Variants in ULK4 observed in about 807,000 individuals in gnomAD.
ULK4 encodes the protein inactive serine/threonine-protein kinase ULK4.
In ULK4, 133 loss-of-function variants were observed where a neutral mutation model predicts 160.6. That is an observed-to-expected ratio of 0.83 (90% CI 0.72 to 0.96). The LOEUF (loss-of-function observed/expected upper bound fraction) is 0.96, where lower values mean the gene tolerates loss of function less well. Ranked by LOEUF, ULK4 falls within the 40% of genes least tolerant of loss-of-function variation. The pLI is 0.00. For synonymous variants in ULK4, 534 were observed against 539.8 expected, an observed-to-expected ratio of 0.99 and a Z score of 0.15; for missense variants, 1,580 against 1,499.5, an observed-to-expected ratio of 1.05 and a Z score of -0.89.
intron 34 of ULK4, among the ~76,000 whole-genome samples, chr3:41,442,833 C>A (rs939385929): frequency 6.6e-6 from 1 of 152,134 alleles, no homozygotes; most frequent in African/African-American, 2.4e-5. Context: ...ATTTAGTACT[C>A]TGTAACGTGA....
chr3:41,479,700 T>G (rs187758648), intron 32 of ULK4, among the ~76,000 whole-genome samples: 2 of 152,016 alleles, frequency 1.3e-5, no homozygotes, highest in South Asian at 4.2e-4. Context: ...GGCAGAAGAG[T>G]AGAGAGACGT....
chr3:41,771,335 G>A (rs1048920225), intron 21 of ULK4, among the ~76,000 whole-genome samples: 7 of 152,092 alleles, frequency 4.6e-5, no homozygotes, highest in African/African-American at 1.7e-4. Context: ...ACTTTCAGAA[G>A]AAATAGGATG....
intron 35 of ULK4, among the ~76,000 whole-genome samples, chr3:41,276,030 C>T (rs1028782619): frequency 3.9e-5 from 6 of 152,198 alleles, no homozygotes; most frequent in African/African-American, 7.2e-5. Flanking sequence ...GAATAGGTAA[C>T]AAACAGGACT....
intron 27 of ULK4, among the ~76,000 whole-genome samples, chr3:41,695,332 G>A (rs532142228): frequency 1.1e-4 from 17 of 152,292 alleles, no homozygotes; most frequent in East Asian, 5.8e-4. Context: ...AGAAGCTAAG[G>A]TGTCCCAGAA....
At chr3:41,776,174 T>C (rs1401493699) in intron 21 of ULK4, among the ~76,000 whole-genome samples, 1 of 151,090 alleles carries the variant, frequency 6.6e-6, no homozygotes, top group Non-Finnish European at 1.5e-5. Context: ...TTAACTTTCA[T>C]TTTATCCATC....
chr3:41,259,246 T>C (rs1413851669), intron 35 of ULK4, among the ~76,000 whole-genome samples: 1 of 152,116 alleles, frequency 6.6e-6, no homozygotes, highest in East Asian at 1.9e-4. Context: ...AAGGAGATGG[T>C]AGTGTCCTAC....
intron 30 of ULK4, among the ~76,000 whole-genome samples, chr3:41,645,306 T>A (rs575545726): frequency 1.3e-5 from 2 of 152,042 alleles, no homozygotes; most frequent in Non-Finnish European, 2.9e-5. Context: ...ATTGGATCTT[T>A]CCTGCTTTCT....
chr3:41,361,627 T>C (rs1267512378), intron 35 of ULK4, among the ~76,000 whole-genome samples: 3 of 152,240 alleles, frequency 2.0e-5, no homozygotes, highest in African/African-American at 4.8e-5. Context: ...CATATCCCGA[T>C]GTGACTGACT....
intron 12 of ULK4, among the ~76,000 whole-genome samples, chr3:41,901,478 C>CTTTTTTTTTTTTTT (rs1305478036): frequency 4.4e-5 from 1 of 22,946 alleles, no homozygotes; most frequent in Non-Finnish European, 3.1e-4. Context: ...CCACGCCCAG[C>CTTTTTTTTTTTTTT]CTTTTTTTTT....
chr3:41,827,773 G>C (rs1043601778), intron 18 of ULK4, among the ~76,000 whole-genome samples: 5 of 152,184 alleles, frequency 3.3e-5, no homozygotes, highest in African/African-American at 1.2e-4. Context: ...AATAGAAAAA[G>C]AGGGAATCCT....
At chr3:41,953,275 C>CAT (rs1449535104) in intron 2 of ULK4, among the ~76,000 whole-genome samples, 2 of 36,714 alleles carry the variant, frequency 5.4e-5, no homozygotes, top group Non-Finnish European at 1.7e-4. Context: ...CACATATATA[C>CAT]ATATATACAC....
intron 35 of ULK4, among the ~76,000 whole-genome samples, chr3:41,251,972 C>T (rs2078750956): frequency 6.6e-6 from 1 of 152,194 alleles, no homozygotes; most frequent in African/African-American, 2.4e-5. Context: ...ATCCCAATAG[C>T]ATGCCCCAGA....
At chr3:41,306,473 TG>T (rs1251997989) in intron 35 of ULK4, among the ~76,000 whole-genome samples, 3 of 104,660 alleles carry the variant, frequency 2.9e-5, no homozygotes, top group Non-Finnish European at 3.8e-5. Flanking sequence ...GGGAGGGAGG[TG>T]GGGGGGTCAG....
chr3:41,596,891 C>T (rs950173089), intron 31 of ULK4, among the ~76,000 whole-genome samples: 4 of 152,092 alleles, frequency 2.6e-5, no homozygotes, highest in Non-Finnish European at 5.9e-5. Context: ...TTCTCAATGT[C>T]AGCACTATTG....
intron 31 of ULK4, among the ~76,000 whole-genome samples, chr3:41,578,587 G>C (rs562179382): frequency 6.6e-6 from 1 of 152,222 alleles, no homozygotes; most frequent in East Asian, 1.9e-4. Flanking sequence ...ACTGAAATTA[G>C]AAGAAACTCT....
intron 22 of ULK4, among the ~76,000 whole-genome samples, chr3:41,725,306 A>C (rs1056712212): frequency 5.3e-5 from 8 of 152,196 alleles, no homozygotes; most frequent in African/African-American, 1.9e-4. Flanking sequence ...CTTAGGAGTA[A>C]AAGTTTTTAT....
At chr3:41,247,670 A>G (rs931926599) in intron 36 of ULK4, among the ~76,000 whole-genome samples, 1 of 152,084 alleles carries the variant, frequency 6.6e-6, no homozygotes, top group African/African-American at 2.4e-5. Context: ...TGACCAGGAG[A>G]CCGTTCCATG....
intron 35 of ULK4, among the ~76,000 whole-genome samples, chr3:41,291,814 G>A (rs1228906642): frequency 6.6e-6 from 1 of 150,866 alleles, no homozygotes; most frequent in Admixed American, 6.6e-5. Flanking sequence ...TCATCACGTG[G>A]TCACTTGTGA....
chr3:41,751,670 G>A (rs948772811), intron 22 of ULK4, among the ~76,000 whole-genome samples: 2 of 152,222 alleles, frequency 1.3e-5, no homozygotes, highest in African/African-American at 4.8e-5. Context: ...CCCAATCTCT[G>A]AAGGTGTAAG....
Sources: gnomAD v4.1 joint callset for allele counts (sites outside exome capture counted in the v4.1 genomes callset) on GRCh38, gnomAD v4.1.1 for gene constraint, MANE v1.5 for transcripts, NCBI Gene and HGNC (gene_info 2026-07-23, HGNC 2026-07-21) for gene names.